SLC9A9: variants seen among roughly 807,000 people sequenced by gnomAD.
SLC9A9 encodes solute carrier family 9 member A9, also known as sodium/hydrogen exchanger 9.
A neutral mutation model predicts 77.8 loss-of-function variants in SLC9A9; 62 were observed. The ratio of observed to expected loss-of-function variants is 0.80; its 90% CI spans 0.65 to 0.98. The LOEUF (loss-of-function observed/expected upper bound fraction) is 0.98. SLC9A9 is among the 50% of genes least tolerant of loss of function. The pLI, the probability that SLC9A9 is intolerant of heterozygous loss-of-function variation, is 0.00. For missense variants in SLC9A9, 775 were observed against 774.9 expected, an observed-to-expected ratio of 1.00 and a Z score of 0.00; for synonymous variants, 320 against 283.5, an observed-to-expected ratio of 1.13 and a Z score of -1.29.
At chr3:143,783,936 C>T (rs2108849441) in intron 4 of SLC9A9, among the ~76,000 whole-genome samples, 1 of 152,326 alleles carries the variant, frequency 6.6e-6, no homozygotes, top group East Asian at 1.9e-4. Context: ...CAATATCAAG[C>T]TTTCACCATC....
chr3:143,789,842 T>C (rs146153694), intron 4 of SLC9A9, among the ~76,000 whole-genome samples: 1 of 152,126 alleles, frequency 6.6e-6, no homozygotes, highest in African/African-American at 2.4e-5. Flanking sequence ...AGAAGCCCAA[T>C]GAGAAATCAA....
At chr3:143,587,941 G>C (rs2108675345) in intron 6 of SLC9A9, among the ~76,000 whole-genome samples, 1 of 152,318 alleles carries the variant, frequency 6.6e-6, no homozygotes, top group Middle Eastern at 3.4e-3. Flanking sequence ...GCTGCAGTGA[G>C]CATTTGAAAG....
intron 6 of SLC9A9, among the ~76,000 whole-genome samples, chr3:143,619,997 C>A (rs1467187940): frequency 6.6e-6 from 1 of 152,116 alleles, no homozygotes; most frequent in East Asian, 1.9e-4. Flanking sequence ...TCACCTAATA[C>A]CTTCCCACTA....
At chr3:143,609,336 C>T (rs374717017) in intron 6 of SLC9A9, among the ~76,000 whole-genome samples, 5 of 152,228 alleles carry the variant, frequency 3.3e-5, no homozygotes, top group South Asian at 4.1e-4. Context: ...TATGGAATAA[C>T]GACAAGCTTG....
intron 6 of SLC9A9, among the ~76,000 whole-genome samples, chr3:143,609,408 T>C (rs372145751): frequency 2.6e-4 from 40 of 152,328 alleles, no homozygotes; most frequent in African/African-American, 9.4e-4. Context: ...TCAATACTTT[T>C]TCAATTACAT....
Position 143,386,852 on chromosome 3 carries a change from T to C in SLC9A9, c.1470-4738A>G, listed in dbSNP as rs190673174. ...TGATTTTTTTAAAATTTATTTCTTTTATTTTTGAGACACAGTCTCATTCTG... is the reference window on the plus strand; with the variant it reads ...TGATTTTTTTAAAATTTATTTCTTTCATTTTTGAGACACAGTCTCATTCTG... On this transcript the variant is annotated intron_variant, in intron 12 of 15. Coordinates refer to ENST00000316549, the MANE Select transcript of SLC9A9 (RefSeq NM_173653.4). Among the ~76,000 whole-genome samples, 3 of 152,324 alleles carry C rather than the reference T, an allele frequency of 2.0e-5. No individual in the cohort carries two copies. The East Asian group carries it at 5.8e-4, about 29-fold the overall frequency.
intron 4 of SLC9A9, among the ~76,000 whole-genome samples, chr3:143,776,757 C>A (rs1220790891): frequency 6.6e-6 from 1 of 152,104 alleles, no homozygotes; most frequent in African/African-American, 2.4e-5. Flanking sequence ...TCTTTTCAAC[C>A]ATAAGTAATG....
At chr3:143,268,621 T>G (rs1434684324) in intron 15 of SLC9A9, among the ~76,000 whole-genome samples, 2 of 149,878 alleles carry the variant, frequency 1.3e-5, no homozygotes, top group Non-Finnish European at 2.9e-5. Context: ...TAGTCCCAGC[T>G]ACTCGGGAGG....
chr3:143,736,104 C>A (rs772596829), intron 4 of SLC9A9, among the ~76,000 whole-genome samples: 12 of 152,114 alleles, frequency 7.9e-5, no homozygotes, highest in Non-Finnish European at 1.0e-4. Flanking sequence ...TGGAACCTCC[C>A]ATTTGGCTCA....
intron 9 of SLC9A9, among the ~76,000 whole-genome samples, chr3:143,504,477 A>G (rs1274622661): frequency 1.3e-5 from 2 of 148,898 alleles, no homozygotes; most frequent in African/African-American, 4.8e-5. Flanking sequence ...CCACCAGAAC[A>G]TAAGGATTCT....
intron 4 of SLC9A9, among the ~76,000 whole-genome samples, chr3:143,701,353 CT>C (rs1408090253): frequency 6.6e-6 from 1 of 152,028 alleles, no homozygotes; most frequent in Non-Finnish European, 1.5e-5. Flanking sequence ...ATATATGACC[CT>C]TTTGACAGAG....
chr3:143,651,830 G>C (rs944463949), intron 6 of SLC9A9, among the ~76,000 whole-genome samples: 1 of 152,142 alleles, frequency 6.6e-6, no homozygotes, highest in African/African-American at 2.4e-5. Context: ...GAGAAATAAA[G>C]AGTATTCTGA....
intron 9 of SLC9A9, among the ~76,000 whole-genome samples, chr3:143,528,707 A>T (rs576559615): frequency 5.9e-5 from 9 of 152,268 alleles, no homozygotes; most frequent in Non-Finnish European, 1.0e-4. Context: ...ATATGGTCTG[A>T]TCAAGTAAAA....
chr3:143,397,421 G>A (rs1365943679), intron 12 of SLC9A9, among the ~76,000 whole-genome samples: 1 of 152,152 alleles, frequency 6.6e-6, no homozygotes, highest in Non-Finnish European at 1.5e-5. Flanking sequence ...ATTTTATCAC[G>A]GAATATGAAG....
intron 9 of SLC9A9, among the ~76,000 whole-genome samples, chr3:143,530,370 T>TA (rs969000933): frequency 6.6e-6 from 1 of 152,136 alleles, no homozygotes; most frequent in African/African-American, 2.4e-5. Flanking sequence ...GATGGTTTTA[T>TA]AAAGGGAAAC....
intron 12 of SLC9A9, 69 bp from the exon 13 acceptor site, chr3:143,382,183 A>G: frequency 6.6e-7 from 1 of 1,510,692 alleles, no homozygotes; most frequent in South Asian, 1.1e-5. Flanking sequence ...TGTGTGTCAG[A>G]TGACCTAACC....
intron 6 of SLC9A9, among the ~76,000 whole-genome samples, chr3:143,635,704 A>G (rs953359842): frequency 1.3e-5 from 2 of 152,084 alleles, no homozygotes; most frequent in Non-Finnish European, 2.9e-5. Flanking sequence ...TTTTCCCCTG[A>G]CCCATCTACC....
chr3:143,280,807 C>T (rs1938195840), intron 14 of SLC9A9, among the ~76,000 whole-genome samples: 1 of 152,104 alleles, frequency 6.6e-6, no homozygotes, highest in Admixed American at 6.5e-5. Context: ...CCTGCCTTGG[C>T]CTCCCAAAGT....
chr3:143,764,396 T>C (rs971238311), intron 4 of SLC9A9, among the ~76,000 whole-genome samples: 3 of 152,238 alleles, frequency 2.0e-5, no homozygotes, highest in African/African-American at 7.2e-5. Flanking sequence ...CCTTGGAATG[T>C]AATATATGCA....
Sources: allele counts gnomAD v4.1 joint callset (sites outside exome capture counted in the v4.1 genomes callset), GRCh38; gene constraint gnomAD v4.1.1; transcripts MANE v1.5; gene names NCBI Gene and HGNC (gene_info 2026-07-23, HGNC 2026-07-21).